Variants in ASIP observed in about 807,000 individuals in gnomAD.
ASIP encodes agouti signaling protein.
Under a neutral mutation model 10.3 loss-of-function variants are expected in ASIP, and 11 were observed. That is an observed-to-expected ratio of 1.07 (90% confidence interval 0.68 to 1.78). The LOEUF (loss-of-function observed/expected upper bound fraction) is 1.78. Among genes scored for constraint, ASIP ranks in the 40% most tolerant of loss-of-function variants. The pLI, the probability that ASIP is intolerant of heterozygous loss-of-function variation, is 0.00. For synonymous variants in ASIP, 70 were observed against 70.8 expected, an observed-to-expected ratio of 0.99 and a Z score of 0.06; for missense variants, 180 against 169.2, an observed-to-expected ratio of 1.06 and a Z score of -0.35.
chr20:34,246,623 AT>A, intron 1 of ASIP: 1 of 609,520 alleles, frequency 1.6e-6, no homozygotes, highest in East Asian at 3.2e-5. Context: ...TGCCTGACTA[AT>A]TTTTTGTATT....
At chr20:34,213,834 G>C in intron 1 of ASIP, 1 of 1,531,292 alleles carries the variant, frequency 6.5e-7, no homozygotes, top group South Asian at 1.1e-5. Flanking sequence ...GATAAACTTC[G>C]GAACAGCCAC....
At chr20:34,256,912 C>G (rs1009323393) in intron 1 of ASIP, among the ~76,000 whole-genome samples, 5 of 152,174 alleles carry the variant, frequency 3.3e-5, no homozygotes, top group Middle Eastern at 3.4e-3. Flanking sequence ...ACCCGAGTAG[C>G]TGGGAACACA....
intron 1 of ASIP, among the ~76,000 whole-genome samples, chr20:34,219,156 G>A (rs980796671): frequency 6.6e-6 from 1 of 152,054 alleles, no homozygotes; most frequent in South Asian, 2.1e-4. Context: ...TATAAGAAAA[G>A]GAAGCCTAAC....
chr20:34,200,950 TTC>T (rs1393098766), intron 1 of ASIP, among the ~76,000 whole-genome samples: 1 of 103,104 alleles, frequency 9.7e-6, no homozygotes, highest in Non-Finnish European at 1.6e-5. Flanking sequence ...AAACTTGATT[TTC>T]TTTCTTTCTT....
chr20:34,214,742 T>C, intron 1 of ASIP: 1 of 1,210,838 alleles, frequency 8.3e-7, no homozygotes, highest in East Asian at 2.3e-5. Context: ...ACGGCCAACA[T>C]GATTGCCTCC....
the ASIP span, among the ~76,000 whole-genome samples, chr20:34,186,976 G>A: frequency 6.6e-6 from 1 of 152,052 alleles, no homozygotes; most frequent in Non-Finnish European, 1.5e-5. Context: ...ACCACACCTG[G>A]TGGCACCTAG....
intron 1 of ASIP, among the ~76,000 whole-genome samples, chr20:34,233,127 G>T: frequency 6.9e-6 from 1 of 145,886 alleles, no homozygotes. Flanking sequence ...AGAGTCAACT[G>T]TGAATGGGAC....
At chr20:34,263,110 C>T (rs1357439781) in intron 3 of ASIP, among the ~76,000 whole-genome samples, 5 of 152,188 alleles carry the variant, frequency 3.3e-5, no homozygotes, top group Non-Finnish European at 7.3e-5. Context: ...AAATAGGTTA[C>T]GAAAAGCAGC....
At chr20:34,233,399 G>A (rs555551985) in intron 1 of ASIP, among the ~76,000 whole-genome samples, 5 of 151,824 alleles carry the variant, frequency 3.3e-5, no homozygotes, top group South Asian at 2.1e-4. Context: ...TGCCCACCTC[G>A]GCCTCCCACA....
At chr20:34,214,407 A>G in intron 1 of ASIP, 2 of 1,432,380 alleles carry the variant, frequency 1.4e-6, no homozygotes, top group Non-Finnish European at 2.0e-6. Context: ...TCCTGATGTT[A>G]CCAGAGTTCG....
At chr20:34,193,624 G>T (rs6120559), upstream of ASIP, among the ~76,000 whole-genome samples, 1,952 of 152,260 alleles carry the variant, frequency 0.013, 48 homozygotes, top group African/African-American at 0.045. Context: ...GTACATGACA[G>T]AATTATCCAG....
rs149157684 is a variant in ASIP, at chr20:34,214,743, G to C, written c.-11+19983G>C. On this transcript the variant is annotated intron_variant, in intron 1 of 3. Transcript: ENST00000568305. ...TCAATTTTTTCATAACGGCCAACATGATTGCCTCCACATTAGCTTTTTGCT... is the reference window on the plus strand; with the variant it reads ...TCAATTTTTTCATAACGGCCAACATCATTGCCTCCACATTAGCTTTTTGCT... The C allele has an allele frequency of 1.7e-5, 21 of 1,210,830 alleles. No individual in the cohort carries two copies. In the East Asian group the frequency reaches 4.9e-4, roughly 28 times the overall value. 75.0% of individuals were successfully genotyped at this position (1,210,830 alleles called of 1,614,324 possible).
chr20:34,192,088 G>A (rs1453758385), upstream of ASIP, among the ~76,000 whole-genome samples: 1 of 151,736 alleles, frequency 6.6e-6, no homozygotes, highest in Non-Finnish European at 1.5e-5. Context: ...GTTGCCCATG[G>A]TGCAATGGCC....
At chr20:34,268,888 C>CCTCTGGTCCGGGATCT in intron 3 of ASIP, 103 bp from the exon 4 acceptor site, 1 of 1,438,120 alleles carries the variant, frequency 7.0e-7, no homozygotes, top group Non-Finnish European at 9.5e-7. Context: ...AGCGGGGAAA[C>CCTCTGGTCCGGGATCT]CTCTGGTCCG....
chr20:34,195,383 G>T (rs989257298), intron 1 of ASIP, among the ~76,000 whole-genome samples: 15 of 152,150 alleles, frequency 9.9e-5, no homozygotes, highest in Non-Finnish European at 4.4e-5. Flanking sequence ...TGGCCAAGTG[G>T]CTCTGTGAAA....
At chr20:34,252,325 G>A (rs2035490486) in intron 1 of ASIP, among the ~76,000 whole-genome samples, 1 of 152,192 alleles carries the variant, frequency 6.6e-6, no homozygotes, top group South Asian at 2.1e-4. Context: ...TGAGGGGAGT[G>A]TAGCAGGGCA....
At chr20:34,218,195 G>A (rs532298289) in intron 1 of ASIP, among the ~76,000 whole-genome samples, 4 of 152,138 alleles carry the variant, frequency 2.6e-5, no homozygotes, top group Non-Finnish European at 5.9e-5. Flanking sequence ...TGGAAGATAC[G>A]TTCAGACTTT....
At chr20:34,252,522 A>T (rs2035493945) in intron 1 of ASIP, among the ~76,000 whole-genome samples, 1 of 152,214 alleles carries the variant, frequency 6.6e-6, no homozygotes, top group Admixed American at 6.5e-5. Flanking sequence ...CCCTCTAGCC[A>T]CAGGGCGGTT....
chr20:34,269,276 T>A lies in ASIP; in HGVS notation c.*109T>A. ...TCCCAGGGCTGCAGGCGGGCGGAGG[T>A]TCCAGGAGATGGGACTTCAGGGAGA... On this transcript the variant is annotated 3_prime_UTR_variant, in exon 4 of 4. Coordinates refer to ENST00000374954, the MANE Select transcript of ASIP (RefSeq NM_001672.3). The A allele has an allele frequency of 7.5e-7, 1 of 1,329,236 alleles. No individual in the cohort carries two copies. Among genetic ancestry groups the A allele is most frequent in the Non-Finnish European group, 9.9e-7 (1 of 1,014,252 alleles). The allele number at this position is 1,329,236 out of a possible 1,614,324, so 82.3% of individuals were successfully genotyped here. A position where few individuals can be genotyped will look rare whatever the true frequency, so the allele number is the denominator to read the frequency against.
Sources: allele counts gnomAD v4.1 joint callset (sites outside exome capture counted in the v4.1 genomes callset), GRCh38; gene constraint gnomAD v4.1.1; transcripts MANE v1.5; gene names NCBI Gene and HGNC (gene_info 2026-07-23, HGNC 2026-07-21).